RABGEF1: variants seen among roughly 807,000 people sequenced by gnomAD.
RABGEF1 encodes the protein RAB guanine nucleotide exchange factor 1.
A neutral mutation model predicts 57.3 loss-of-function variants in RABGEF1; 26 were observed. The ratio of observed to expected loss-of-function variants is 0.45; its 90% CI spans 0.33 to 0.63. The LOEUF is 0.63. RABGEF1 is among the 20% of genes least tolerant of loss of function. The pLI, the probability that RABGEF1 is intolerant of heterozygous loss-of-function variation, is 0.02. For missense variants in RABGEF1, 464 were observed against 607.6 expected (o/e 0.76, Z 2.48); for synonymous variants, 185 against 210.7 (o/e 0.88, Z 1.06).
chr7:66,709,252 GC>G (rs1458766284), intron 1 of RABGEF1, among the ~76,000 whole-genome samples: 1 of 152,064 alleles, frequency 6.6e-6, no homozygotes, highest in Non-Finnish European at 1.5e-5. Context: ...CAGGTGATCT[GC>G]CTTCCCAGAG....
chr7:66,773,975 G>A (rs1381349950), intron 2 of RABGEF1: 4 of 357,808 alleles, frequency 1.1e-5, no homozygotes, highest in Non-Finnish European at 1.6e-5. Flanking sequence ...CTGTGTTTGG[G>A]AATTAATACA....
intron 2 of RABGEF1, among the ~76,000 whole-genome samples, chr7:66,735,327 C>T (rs4718392): frequency 0.039 from 6,006 of 152,318 alleles, 166 homozygotes; most frequent in East Asian, 0.086. Context: ...TATTAAATGA[C>T]TGTTCCCTTA....
At chr7:66,759,433 C>T (rs906813768) in intron 1 of RABGEF1, among the ~76,000 whole-genome samples, 1 of 152,190 alleles carries the variant, frequency 6.6e-6, no homozygotes, top group South Asian at 2.1e-4. Flanking sequence ...ATTGTGAAAG[C>T]TCATGTACAC....
intron 1 of RABGEF1, among the ~76,000 whole-genome samples, chr7:66,741,057 C>T (rs1798817938): frequency 6.6e-6 from 1 of 152,186 alleles, no homozygotes; most frequent in Admixed American, 6.5e-5. Flanking sequence ...CCGGGATCTC[C>T]AGCGCCAGCC....
intron 1 of RABGEF1, chr7:66,748,938 A>G (rs531976344): frequency 4.3e-5 from 10 of 230,006 alleles, no homozygotes; most frequent in Non-Finnish European, 7.5e-5. Context: ...AAACTGTTTT[A>G]TGTCATAAGA....
At position 66,797,319 on chromosome 7, in the gene RABGEF1, AAAGAG is replaced by A. The variant is rs1786216418; in HGVS notation, c.596-53_596-49del. ...ACTCTTTGTTTGCAAAAAAAAAAAAAAAGAGAGAGAAAAAATATATATATCTTGAT... is the reference window on the plus strand; with the variant it reads ...ACTCTTTGTTTGCAAAAAAAAAAAAAAGAGAAAAAATATATATATCTTGAT... On this transcript the variant is annotated intron_variant, in intron 5 of 8. Transcript: ENST00000284957. 1.2e-5 allele frequency: 16 copies of A among 1,335,492 alleles called. No individual in the cohort carries two copies. The Admixed American group carries it at 4.1e-4, about 34-fold the overall frequency. 82.7% of individuals were successfully genotyped at this position (1,335,492 alleles called of 1,614,324 possible).
At position 66,808,923 on chromosome 7, in the gene RABGEF1, A is replaced by G; in HGVS notation, c.1115A>G (p.Gln372Arg). 6.2e-7 allele frequency: 1 copy of G among 1,610,108 alleles called. No individual in the cohort carries two copies. The highest frequency in any genetic ancestry group is 2.2e-5 in the East Asian group (1 of 44,858). The change falls in exon 9 of 9, where the codon CAG becomes CGG. Residue 372 changes from glutamine (Q) to arginine (R), a missense_variant. By Grantham distance (43) the Gln-to-Arg change is conservative. Around this residue, in one of 4 missense-constraint regions of RABGEF1, gnomAD observed 151 missense variants for 152.2 expected, o/e 0.99. Transcript: ENST00000284957. Reference sequence around the variant, plus strand: ...GCTTTCATTGAGAAGCTAGACGCCCAGTCTTTGAATCTAAGTCAGGAGGAT... The same window carrying G: ...GCTTTCATTGAGAAGCTAGACGCCCGGTCTTTGAATCTAAGTCAGGAGGAT... ...AVAFIEKLDA[Q>R]SLNLSQEDFD...
At chr7:66,683,174 C>T (rs1197106774) in intron 1 of RABGEF1, among the ~76,000 whole-genome samples, 22 of 152,048 alleles carry the variant, frequency 1.4e-4, no homozygotes, top group Non-Finnish European at 1.5e-5. Flanking sequence ...GATGGGATCT[C>T]ACAATGTTAC....
chr7:66,722,372 G>A (rs2659898), intron 2 of RABGEF1, among the ~76,000 whole-genome samples: 51,822 of 152,106 alleles, frequency 0.34, 9,225 homozygotes, highest in Middle Eastern at 0.49. Flanking sequence ...CCTAGTAGAC[G>A]GAGGTTGCAG....
chr7:66,678,980 G>A (rs1319058152), upstream of RABGEF1, among the ~76,000 whole-genome samples: 8 of 152,216 alleles, frequency 5.3e-5, no homozygotes, highest in Admixed American at 6.5e-5. Flanking sequence ...AAAATTAGCA[G>A]TGGAATCATA....
At chr7:66,667,737 C>T in the RABGEF1 span, 1 of 152,304 alleles carries the variant, frequency 6.6e-6, no homozygotes, top group Admixed American at 6.5e-5. Context: ...AGTCTCCTCT[C>T]ACCGAATGCT....
chr7:66,790,387 G>A (rs1273081318), intron 4 of RABGEF1, among the ~76,000 whole-genome samples: 2 of 152,130 alleles, frequency 1.3e-5, no homozygotes, highest in Non-Finnish European at 2.9e-5. Flanking sequence ...GTTGTAACAA[G>A]GTTTGAGGGA....
chr7:66,726,370 AT>A (rs11410701), intron 2 of RABGEF1, among the ~76,000 whole-genome samples: 103 of 151,730 alleles, frequency 6.8e-4, no homozygotes, highest in African/African-American at 2.1e-3. Context: ...GGATTTAAGC[AT>A]TTTTTTTAAG....
chr7:66,738,018 T>G (rs55875816), upstream of RABGEF1, among the ~76,000 whole-genome samples: 10,813 of 133,268 alleles, frequency 0.081, 603 homozygotes, highest in South Asian at 0.22. Flanking sequence ...TTTTTTGTTT[T>G]TTTTGTTTTT....
intron 1 of RABGEF1, among the ~76,000 whole-genome samples, chr7:66,770,693 A>G (rs542478637): frequency 8.4e-4 from 128 of 152,276 alleles, no homozygotes; most frequent in African/African-American, 3.0e-3. Context: ...TGTGTTGCCC[A>G]GGCTGGTCCT....
At chr7:66,774,803 A>C (rs2129121791) in intron 2 of RABGEF1, among the ~76,000 whole-genome samples, 1 of 152,240 alleles carries the variant, frequency 6.6e-6, no homozygotes, top group South Asian at 2.1e-4. Context: ...TTAAGACCTC[A>C]CCCAAACATC....
intron 5 of RABGEF1, 66 bp from the exon 6 acceptor site, chr7:66,797,306 CAA>C (rs368106136): frequency 2.0e-3 from 1,893 of 967,216 alleles, no homozygotes; most frequent in East Asian, 4.7e-3. Flanking sequence ...TCTTTGTTTG[CAA>C]AAAAAAAAAA....
At chr7:66,729,913 G>A (rs1440962484) in intron 2 of RABGEF1, among the ~76,000 whole-genome samples, 4 of 152,218 alleles carry the variant, frequency 2.6e-5, no homozygotes, top group East Asian at 1.9e-4. Flanking sequence ...CAATGCCTGC[G>A]GATCTGTGGG....
chr7:66,790,179 T>C (rs1421533939), intron 4 of RABGEF1, among the ~76,000 whole-genome samples: 3 of 152,220 alleles, frequency 2.0e-5, no homozygotes, highest in Non-Finnish European at 4.4e-5. Flanking sequence ...CAACACAGTG[T>C]GTTCCAGAAG....
Sources: gnomAD v4.1 joint callset for allele counts (sites outside exome capture counted in the v4.1 genomes callset) on GRCh38, gnomAD v4.1.1 for gene constraint, gnomAD v4.1.1 regional missense constraint, MANE v1.5 for transcripts, NCBI Gene and HGNC (gene_info 2026-07-23, HGNC 2026-07-21) for gene names.